Variants in APBB2 observed in about 807,000 individuals in gnomAD.
The protein encoded by APBB2 is amyloid beta precursor protein binding family B member 2.
APBB2 carries 38 observed loss-of-function variants against 82.5 expected under a neutral mutation model. The observed-to-expected ratio is 0.46, with a 90% CI of 0.36 to 0.60. The LOEUF (loss-of-function observed/expected upper bound fraction) is 0.60, where lower values mean the gene tolerates loss of function less well. Ranked by LOEUF, APBB2 falls within the 20% of genes least tolerant of loss-of-function variation. The probability of loss-of-function intolerance (pLI) is 0.00; values close to 1 mark genes in which losing one functional copy is unlikely to be tolerated. For synonymous variants in APBB2, 341 were observed against 368.2 expected, an observed-to-expected ratio of 0.93 and a Z score of 0.85; for missense variants, 772 against 972.3, an observed-to-expected ratio of 0.79 and a Z score of 2.74.
At position 40,946,254 on chromosome 4, in the gene APBB2, A is replaced by AAAAAC. The variant is rs1553875174; in HGVS notation, c.836-1182_836-1181insGTTTT. ...CTCCAAAAAAAAAAAAAAAAAAAAA[A>AAAAAC]CATTCCCAAGGAAAGCAGATTGGAA... On this transcript the variant is annotated intron_variant, in intron 6 of 17. Transcript: ENST00000508593. Among the ~76,000 whole-genome samples, 86 of 114,582 alleles carry AAAAAC rather than the reference A, an allele frequency of 7.5e-4. 5 individuals are homozygous for AAAAAC. Among genetic ancestry groups the AAAAAC allele is most frequent in the African/African-American group, 2.2e-3 (68 of 30,322 alleles). The allele number at this position is 114,582 out of a possible 152,430, so 75.2% of individuals were successfully genotyped here. A position where few individuals can be genotyped will look rare whatever the true frequency, so the allele number is the denominator to read the frequency against.
At chr4:41,162,804 A>G (rs150176435) in intron 1 of APBB2, among the ~76,000 whole-genome samples, 14 of 152,284 alleles carry the variant, frequency 9.2e-5, no homozygotes, top group Admixed American at 3.3e-4. Flanking sequence ...GGCTACAATG[A>G]GCTCTGATCA....
chr4:41,022,824 A>G (rs572940539), intron 5 of APBB2, among the ~76,000 whole-genome samples: 34 of 150,016 alleles, frequency 2.3e-4, no homozygotes, highest in African/African-American at 8.2e-4. Flanking sequence ...AGAGTTTCTT[A>G]TTAAACACTG....
intron 6 of APBB2, among the ~76,000 whole-genome samples, chr4:40,953,479 G>A (rs189811048): frequency 2.0e-5 from 3 of 151,770 alleles, no homozygotes; most frequent in East Asian, 1.9e-4. Flanking sequence ...ACCGAGATTC[G>A]CCCGCAGACT....
chr4:40,938,767 G>A (rs1786037722), intron 7 of APBB2, among the ~76,000 whole-genome samples: 3 of 152,210 alleles, frequency 2.0e-5, no homozygotes, highest in South Asian at 4.1e-4. Context: ...GGCAGTGACA[G>A]AAGCTAAAAT....
intron 17 of APBB2, 66 bp downstream of exon 17, chr4:40,821,805 A>G: frequency 2.6e-6 from 4 of 1,559,008 alleles, no homozygotes; most frequent in Non-Finnish European, 3.5e-6. Flanking sequence ...ATTCTGCTAT[A>G]ATGTATGGCA....
intron 12 of APBB2, among the ~76,000 whole-genome samples, chr4:40,836,343 A>G (rs1400753000): frequency 6.6e-6 from 1 of 152,068 alleles, no homozygotes; most frequent in Non-Finnish European, 1.5e-5. Context: ...CGGGTGCGGT[A>G]GTGTGCACCT....
chr4:41,058,902 A>T (rs919492753), intron 4 of APBB2, among the ~76,000 whole-genome samples: 3 of 152,196 alleles, frequency 2.0e-5, no homozygotes, highest in African/African-American at 7.2e-5. Context: ...TAAGAAAAAA[A>T]TCAAAATCAC....
At chr4:41,017,746 G>C (rs1810417600) in intron 5 of APBB2, among the ~76,000 whole-genome samples, 1 of 152,152 alleles carries the variant, frequency 6.6e-6, no homozygotes, top group Non-Finnish European at 1.5e-5. Context: ...TAATTGGTCT[G>C]AGTGATTGAA....
chr4:40,949,698 G>A (rs1393886352), intron 6 of APBB2, among the ~76,000 whole-genome samples: 1 of 152,040 alleles, frequency 6.6e-6, no homozygotes, highest in Admixed American at 6.6e-5. Flanking sequence ...AAATTACTTA[G>A]TGAAGCTTTG....
intron 16 of APBB2, among the ~76,000 whole-genome samples, chr4:40,823,064 C>G (rs1748566668): frequency 6.6e-6 from 1 of 152,186 alleles, no homozygotes; most frequent in Non-Finnish European, 1.5e-5. Flanking sequence ...AGGTGCTTCA[C>G]AGAGGCAGAA....
chr4:40,927,968 G>C (rs772926689), intron 10 of APBB2, among the ~76,000 whole-genome samples: 25 of 152,142 alleles, frequency 1.6e-4, no homozygotes, highest in Admixed American at 4.6e-4. Context: ...TGTTAATCAA[G>C]AATTTGGTCA....
At chr4:40,955,260 G>C (rs1289731491) in intron 6 of APBB2, among the ~76,000 whole-genome samples, 2 of 152,202 alleles carry the variant, frequency 1.3e-5, no homozygotes, top group Admixed American at 6.5e-5. Flanking sequence ...TTCTGAAAGA[G>C]AGAACAGCAT....
At chr4:40,980,406 A>T (rs1390366446) in intron 6 of APBB2, among the ~76,000 whole-genome samples, 1 of 152,088 alleles carries the variant, frequency 6.6e-6, no homozygotes, top group African/African-American at 2.4e-5. Flanking sequence ...TTTTGCATCC[A>T]CTTTGGATTC....
rs1356662105 is a variant in APBB2 at position 40,934,504 on chromosome 4, G to T, written c.1206C>A (p.His402Gln). 20 of 1,614,044 alleles carry T rather than the reference G, an allele frequency of 1.2e-5. No individual in the cohort carries two copies. The highest frequency in any genetic ancestry group is 2.7e-5 in the African/African-American group (2 of 74,920). The change falls in exon 10 of 18, where the codon CAC becomes CAA. Residue 402 changes from histidine to glutamine, a missense_variant. His to Gln is a conservative substitution (Grantham distance 24, BLOSUM62 0). Transcript: ENST00000508593. ...YASLKLRNAPHPDDDDSCSIN... is the reference protein window; with the variant it reads ...YASLKLRNAPQPDDDDSCSIN... ...TACTACAAGAATCATCATCATCAGG[G>T]TGTGGGGCATTTCTAGGCAGAAAAA...
intron 11 of APBB2, 56 bp from the exon 12 acceptor site, chr4:40,890,547 C>T (rs1300461162): frequency 6.9e-6 from 11 of 1,597,998 alleles, no homozygotes; most frequent in East Asian, 2.3e-5. Context: ...AAAGCCTAAT[C>T]GTGTGTGTGG....
At chr4:40,929,096 T>G (rs1783439071) in intron 10 of APBB2, among the ~76,000 whole-genome samples, 2 of 151,844 alleles carry the variant, frequency 1.3e-5, no homozygotes, top group Admixed American at 1.3e-4. Flanking sequence ...GTACTGTGAT[T>G]CTGTAGGATA....
intron 6 of APBB2, among the ~76,000 whole-genome samples, chr4:40,968,502 C>T (rs188351661): frequency 3.2e-4 from 49 of 152,180 alleles, no homozygotes; most frequent in African/African-American, 1.1e-3. Flanking sequence ...ATTCTTGTTC[C>T]TCTTCCTGTG....
chr4:40,905,328 C>T (rs762381373), intron 10 of APBB2, among the ~76,000 whole-genome samples: 5 of 152,138 alleles, frequency 3.3e-5, no homozygotes, highest in Non-Finnish European at 5.9e-5. Context: ...AAACACCCAG[C>T]GCACACGCAA....
chr4:41,187,587 C>T (rs1436543577), intron 1 of APBB2, among the ~76,000 whole-genome samples: 1 of 152,132 alleles, frequency 6.6e-6, no homozygotes, highest in Non-Finnish European at 1.5e-5. Context: ...GACCCTATTT[C>T]CTCATTTGCA....
Sources: gnomAD v4.1 joint callset for allele counts (sites outside exome capture counted in the v4.1 genomes callset) on GRCh38, gnomAD v4.1.1 for gene constraint, MANE v1.5 for transcripts, NCBI Gene and HGNC (gene_info 2026-07-23, HGNC 2026-07-21) for gene names.